Variants in BACH1 observed in about 807,000 individuals in gnomAD.
BACH1 encodes transcription regulator protein BACH1.
A neutral mutation model predicts 52.9 loss-of-function variants in BACH1; 35 were observed. The ratio of observed to expected loss-of-function variants is 0.66; its 90% CI spans 0.51 to 0.88. BACH1 has a LOEUF of 0.88. Ranked by LOEUF, BACH1 falls within the 40% of genes least tolerant of loss-of-function variation. The pLI is 0.00. For synonymous variants in BACH1, 321 were observed against 319.6 expected (o/e 1.00, Z -0.05); for missense variants, 808 against 872.6 (o/e 0.93, Z 0.93).
chr21:29,333,725 A>G (rs1002369634), intron 4 of BACH1, among the ~76,000 whole-genome samples: 26 of 152,230 alleles, frequency 1.7e-4, no homozygotes, highest in African/African-American at 6.3e-4. Context: ...AGCATGTGAT[A>G]AAAAGGGGTT....
chr21:29,347,856 A>C (rs140737801), downstream of BACH1, among the ~76,000 whole-genome samples: 1,995 of 152,346 alleles, frequency 0.013, 35 homozygotes, highest in African/African-American at 0.046. Context: ...GATGTTCTGC[A>C]TTGAGATTAG....
At chr21:29,324,380 ATCTT>A (rs1024386446) in intron 2 of BACH1, among the ~76,000 whole-genome samples, 7 of 151,948 alleles carry the variant, frequency 4.6e-5, no homozygotes, top group Non-Finnish European at 8.8e-5. Context: ...GCAACCACTA[ATCTT>A]TCTTCCTTTT....
At chr21:29,316,657 A>G (rs919396483) in intron 1 of BACH1, among the ~76,000 whole-genome samples, 1 of 152,250 alleles carries the variant, frequency 6.6e-6, no homozygotes, top group Non-Finnish European at 1.5e-5. Context: ...ATTGCTGACC[A>G]CTTAGATGGT....
In BACH1 at chr21:29,345,697, A is replaced by C. The variant is rs934195631; in HGVS notation, c.*2864A>C. ...TAGACGATACAGGTTGCATGTGGAC[A>C]CTCAGTCACATTAACAACTTGGGAA... is the stretch of plus-strand genomic sequence containing the variant. On this transcript the variant is annotated 3_prime_UTR_variant, in exon 5 of 5. Coordinates refer to ENST00000286800, the MANE Select transcript of BACH1 (RefSeq NM_001186.4). 6.6e-6 allele frequency: 1 copy of C among 152,594 alleles called. No individual in the cohort carries two copies. Among genetic ancestry groups the C allele is most frequent in the African/African-American group, 2.4e-5 (1 of 41,446 alleles). 9.5% of individuals were successfully genotyped at this position (152,594 alleles called of 1,614,324 possible). A position where few individuals can be genotyped will look rare whatever the true frequency, so the allele number is the denominator to read the frequency against.
In BACH1 at chr21:29,337,399, G is replaced by A. The variant is rs1426495050; in HGVS notation, c.1777-5000G>A. Among the ~76,000 whole-genome samples the A allele has an allele frequency of 2.6e-5, 4 of 152,200 alleles. No individual in the cohort carries two copies. In the East Asian group the frequency reaches 5.8e-4, roughly 22 times the overall value. On this transcript the variant is annotated intron_variant, in intron 4 of 4. Transcript: ENST00000286800. The stretch of plus-strand genomic sequence containing the variant: ...ATATATCAGGCTTCAGTAAATGAAA[G>A]TAAAAAGTACATTAGAAATCCTGAG...
chr21:29,331,385 A>G (rs755436588), intron 4 of BACH1, among the ~76,000 whole-genome samples: 1 of 152,242 alleles, frequency 6.6e-6, no homozygotes, highest in Non-Finnish European at 1.5e-5. Flanking sequence ...TAAAAGCGAA[A>G]CAAGACTATT....
chr21:29,326,463 G>A lies in BACH1; in HGVS notation c.639G>A (p.Glu213=), dbSNP rs768118683. Residue 213 remains glutamate, a synonymous_variant, in exon 3 of 5, where the codon GAG becomes GAA. Coordinates refer to ENST00000286800, the MANE Select transcript of BACH1 (RefSeq NM_001186.4). ...AGACATATGAGTCCATGTGCTTAGAGAAGGATGCTGCTCTGGCCTTGCCTT... is the reference window on the plus strand; with the variant it reads ...AGACATATGAGTCCATGTGCTTAGAAAAGGATGCTGCTCTGGCCTTGCCTT... The part of the protein sequence containing the change: ...ASQTYESMCL[E]KDAALALPSL... 6.2e-7 allele frequency: 1 copy of A among 1,614,220 alleles called. No individual in the cohort carries two copies. Among genetic ancestry groups the A allele is most frequent in the Non-Finnish European group, 8.5e-7 (1 of 1,180,034 alleles).
chr21:29,319,610 A>G (rs1024416813), intron 1 of BACH1, among the ~76,000 whole-genome samples: 5 of 150,958 alleles, frequency 3.3e-5, no homozygotes, highest in Non-Finnish European at 7.4e-5. Flanking sequence ...GTGTATTTCT[A>G]CAGTGTTTTC....
At chr21:29,356,704 G>A (rs1318809049) in intron 2 of BACH1, among the ~76,000 whole-genome samples, 1 of 152,240 alleles carries the variant, frequency 6.6e-6, no homozygotes, top group African/African-American at 2.4e-5. Flanking sequence ...CAGTGCTTTC[G>A]GGCTACGCCC....
At chr21:29,355,813 T>TTGG (rs2089231062) in intron 2 of BACH1, among the ~76,000 whole-genome samples, 2 of 152,210 alleles carry the variant, frequency 1.3e-5, no homozygotes, top group South Asian at 4.1e-4. Context: ...GTTGCCCAAC[T>TTGG]CCAGAGGTTG....
intron 1 of BACH1, among the ~76,000 whole-genome samples, chr21:29,302,790 C>T (rs1349408044): frequency 1.1e-4 from 17 of 152,196 alleles, no homozygotes; most frequent in Admixed American, 1.1e-3. Context: ...ACAAGTGAGA[C>T]TGGAAAAACA....
intron 4 of BACH1, among the ~76,000 whole-genome samples, chr21:29,334,271 TA>T (rs1159477619): frequency 2.0e-4 from 31 of 151,798 alleles, no homozygotes; most frequent in Non-Finnish European, 5.9e-5. Context: ...GTAATTTTTT[TA>T]TATTTTTAGT....
Position 29,346,051 on chromosome 21 carries a change from C to T in BACH1, c.*3218C>T, listed in dbSNP as rs1295100768. 1.3e-5 allele frequency: 2 copies of T among 152,492 alleles called. No homozygotes were observed. The highest frequency in any genetic ancestry group is 2.4e-5 in the African/African-American group (1 of 41,406). 9.4% of individuals were successfully genotyped at this position (152,492 alleles called of 1,614,324 possible). On this transcript the variant is annotated 3_prime_UTR_variant, in exon 5 of 5. Coordinates refer to ENST00000286800, the MANE Select transcript of BACH1 (RefSeq NM_001186.4). ...CATAGTATTTAATTTACATTTCTCC[C>T]TAATGTTCTTACCCAAATGTACCTG... is the stretch of plus-strand genomic sequence containing the variant.
chr21:29,354,262 G>T (rs1051638799), intron 2 of BACH1, among the ~76,000 whole-genome samples: 2 of 152,210 alleles, frequency 1.3e-5, no homozygotes, highest in African/African-American at 4.8e-5. Context: ...CATGTGGTGA[G>T]TCAGGAGAGG....
rs1700308296 is a variant in BACH1 at position 29,329,537 on chromosome 21, T to C, written c.1620T>C (p.Asp540=). 6.2e-7 allele frequency: 1 copy of C among 1,601,408 alleles called. No homozygotes were observed. The highest frequency in any genetic ancestry group is 8.5e-7 in the Non-Finnish European group (1 of 1,175,624). ...GGATAATTTCACTGTCTCGAAATGA[T>C]TTTCAGTCCTTGTTGAAAATGCACA... ...AQRIISLSRN[D]FQSLLKMHKL... The change falls in exon 4 of 5, where the codon GAT becomes GAC. Residue 540 remains aspartate (D), a synonymous_variant. Coordinates refer to ENST00000286800, the MANE Select transcript of BACH1 (RefSeq NM_001186.4).
intron 1 of BACH1, among the ~76,000 whole-genome samples, chr21:29,315,984 A>T (rs902563721): frequency 8.2e-4 from 122 of 148,338 alleles, no homozygotes; most frequent in African/African-American, 1.7e-3. Context: ...GCCTTTTTTT[A>T]AAAAAAAAAA....
chr21:29,310,016 T>C (rs1411575186), intron 1 of BACH1, among the ~76,000 whole-genome samples: 1 of 152,174 alleles, frequency 6.6e-6, no homozygotes, highest in East Asian at 1.9e-4. Context: ...GTTCTCTCAT[T>C]TTTTTTAAAC....
At chr21:29,328,210 A>G (rs1410847730) in intron 3 of BACH1, among the ~76,000 whole-genome samples, 4 of 152,162 alleles carry the variant, frequency 2.6e-5, no homozygotes, top group Non-Finnish European at 5.9e-5. Context: ...TCCTTTGGCC[A>G]TTTCAACTAT....
At position 29,321,500 on chromosome 21, in the gene BACH1, A is replaced by G; in HGVS notation, c.220A>G (p.Thr74Ala). Residue 74 changes from threonine (T) to alanine (A), a missense_variant, in exon 2 of 5, where the codon ACT (threonine) becomes GCT (alanine). Thr to Ala is a moderately conservative substitution (Grantham distance 58, BLOSUM62 0). Coordinates refer to ENST00000286800, the MANE Select transcript of BACH1 (RefSeq NM_001186.4). ...VGQADGELNI[T>A]LPEEVTVKGF... The stretch of plus-strand genomic sequence containing the variant: ...CCAGGCTGATGGAGAGCTGAACATT[A>G]CTCTTCCAGAAGAGGTGAGAGATCC... 1 of 1,613,800 alleles carries G rather than the reference A, an allele frequency of 6.2e-7. No homozygotes were observed. Among genetic ancestry groups the G allele is most frequent in the African/African-American group, 1.3e-5 (1 of 75,000 alleles).
Sources: gnomAD v4.1 joint callset for allele counts (sites outside exome capture counted in the v4.1 genomes callset) on GRCh38, gnomAD v4.1.1 for gene constraint, MANE v1.5 for transcripts, NCBI Gene and HGNC (gene_info 2026-07-23, HGNC 2026-07-21) for gene names.